Variants in SESTD1 observed in about 807,000 individuals in gnomAD.
SESTD1 encodes the protein SEC14 and spectrin domain containing 1, also known as SEC14 domain and spectrin repeat-containing protein 1.
In SESTD1, 43 loss-of-function variants were observed where a neutral mutation model predicts 101.7. The observed-to-expected ratio is 0.42, with a 90% CI of 0.33 to 0.55. The LOEUF (loss-of-function observed/expected upper bound fraction) is 0.55. SESTD1 is among the 20% of genes least tolerant of loss of function. SESTD1 has a pLI of 0.07. For missense variants in SESTD1, 647 were observed against 815.1 expected (o/e 0.79, Z 2.51); for synonymous variants, 283 against 286.8 (o/e 0.99, Z 0.13).
intron 1 of SESTD1, among the ~76,000 whole-genome samples, chr2:179,255,165 T>C (rs1223416895): frequency 6.6e-6 from 1 of 152,198 alleles, no homozygotes; most frequent in Non-Finnish European, 1.5e-5. Flanking sequence ...ATACTGAAAT[T>C]AGGCCAATCA....
At chr2:179,147,341 T>G (rs1260532428) in intron 7 of SESTD1, among the ~76,000 whole-genome samples, 2 of 151,556 alleles carry the variant, frequency 1.3e-5, no homozygotes, top group Non-Finnish European at 2.9e-5. Context: ...CCCAAAACAC[T>G]GAACAAGATA....
Position 179,101,938 on chromosome 2 carries a change from C to T in SESTD1, c.*7961G>A, listed in dbSNP as rs1169202330. On this transcript the variant is annotated 3_prime_UTR_variant, in exon 18 of 18. Coordinates refer to ENST00000428443, the MANE Select transcript of SESTD1 (RefSeq NM_178123.5). ...TCATTGGACAAGGTATAAGGCTTGC[C>T]AATTTCCAAAGTCTGGCAGTCCAAA... is the stretch of plus-strand genomic sequence containing the variant. 1.3e-5 allele frequency: 2 copies of T among 152,146 alleles called. No homozygotes were observed. The highest frequency in any genetic ancestry group is 4.8e-5 in the African/African-American group (2 of 41,448). The allele number at this position is 152,146 out of a possible 1,614,324, so 9.4% of individuals were successfully genotyped here. A position where few individuals can be genotyped will look rare whatever the true frequency, so the allele number is the denominator to read the frequency against.
Position 179,209,310 on chromosome 2 carries a change from G to T in SESTD1, c.-25-17444C>A, listed in dbSNP as rs571970481. On this transcript the variant is annotated intron_variant, in intron 1 of 17. Transcript: ENST00000428443. Reference sequence around the variant, plus strand: ...ATACTCTCCTGACAGCACTAGACAGGTCATCAAAATGGAAAGGCAACAAAG... The same window carrying T: ...ATACTCTCCTGACAGCACTAGACAGTTCATCAAAATGGAAAGGCAACAAAG... Among the ~76,000 whole-genome samples the T allele has an allele frequency of 3.4e-4, 46 of 134,258 alleles. 14 individuals carry two copies. The highest frequency in any genetic ancestry group is 1.3e-3 in the African/African-American group (43 of 33,942). The allele number at this position is 134,258 out of a possible 152,430, so 88.1% of individuals were successfully genotyped here.
chr2:179,167,324 A>G (rs1490076639), intron 5 of SESTD1, among the ~76,000 whole-genome samples: 1 of 152,234 alleles, frequency 6.6e-6, no homozygotes, highest in South Asian at 2.1e-4. Flanking sequence ...GAAAATACCT[A>G]AACTGAAACA....
At chr2:179,158,737 T>C (rs1393719739) in intron 5 of SESTD1, among the ~76,000 whole-genome samples, 4 of 152,242 alleles carry the variant, frequency 2.6e-5, no homozygotes, top group African/African-American at 9.6e-5. Flanking sequence ...TAAAACATTT[T>C]ATACAATCCA....
At chr2:179,203,012 G>C (rs1300581496) in intron 1 of SESTD1, among the ~76,000 whole-genome samples, 2 of 135,136 alleles carry the variant, frequency 1.5e-5, no homozygotes, top group East Asian at 4.0e-4. Context: ...ATTTGTCACT[G>C]CTGTTCTGTC....
chr2:179,145,914 A>C (rs1268929733), intron 8 of SESTD1, among the ~76,000 whole-genome samples: 1 of 152,204 alleles, frequency 6.6e-6, no homozygotes. Flanking sequence ...TGAAATAAAA[A>C]TTTTCATCTT....
rs2045880203 is a variant in SESTD1, at chr2:179,168,795, C to G, written c.369+3325G>C. 2.0e-5 allele frequency among the ~76,000 whole-genome samples: 3 copies of G among 151,976 alleles called. No individual in the cohort carries two copies. In the South Asian group the frequency reaches 6.2e-4, roughly 32 times the overall value. On this transcript the variant is annotated intron_variant, in intron 5 of 17. Coordinates refer to ENST00000428443, the MANE Select transcript of SESTD1 (RefSeq NM_178123.5). ...GTAAAAGAAAACAGATTATCTGTAG[C>G]AAAAAAATGCAGCAATGTAGTGTTT...
chr2:179,205,059 T>C lies in SESTD1; in HGVS notation c.-25-13193A>G, dbSNP rs1041229207. On this transcript the variant is annotated intron_variant, in intron 1 of 17. Coordinates refer to ENST00000428443, the MANE Select transcript of SESTD1 (RefSeq NM_178123.5). Reference sequence around the variant, plus strand: ...ATTTCTCCATCCTTCTCATCAATTCTGTAAATTATACAAAATAAATCCCTT... The same window carrying C: ...ATTTCTCCATCCTTCTCATCAATTCCGTAAATTATACAAAATAAATCCCTT... Among the ~76,000 whole-genome samples the C allele has an allele frequency of 5.9e-5, 8 of 135,088 alleles. 2 individuals carry two copies. Among genetic ancestry groups the C allele is most frequent in the Non-Finnish European group, 9.5e-5 (6 of 62,846 alleles). 88.6% of individuals were successfully genotyped at this position (135,088 alleles called of 152,430 possible).
intron 4 of SESTD1, among the ~76,000 whole-genome samples, chr2:179,175,768 T>C (rs2046000469): frequency 6.6e-6 from 1 of 152,174 alleles, no homozygotes; most frequent in African/African-American, 2.4e-5. Context: ...TCAACAAATG[T>C]CTACTGGGTG....
At chr2:179,128,000 CAGTGAAGGATTAGAGTCCT>C (rs2044916352) in intron 10 of SESTD1, among the ~76,000 whole-genome samples, 1 of 152,148 alleles carries the variant, frequency 6.6e-6, no homozygotes. Context: ...CTGAGAAAAG[CAGTGAAGGATTAGAGTCCT>C]AGAATAGCAC....
At chr2:179,163,207 T>C (rs190264367) in intron 5 of SESTD1, among the ~76,000 whole-genome samples, 1 of 152,140 alleles carries the variant, frequency 6.6e-6, no homozygotes, top group African/African-American at 2.4e-5. Flanking sequence ...ACTAGTAACC[T>C]CATTTATCAA....
intron 1 of SESTD1, among the ~76,000 whole-genome samples, chr2:179,230,160 G>T (rs1198990102): frequency 1.1e-5 from 1 of 93,988 alleles, no homozygotes; most frequent in Non-Finnish European, 2.0e-5. Flanking sequence ...TTGAGACAGG[G>T]TCTCACTCTG....
At chr2:179,169,788 A>G (rs555377231) in intron 5 of SESTD1, among the ~76,000 whole-genome samples, 1 of 152,176 alleles carries the variant, frequency 6.6e-6, no homozygotes, top group African/African-American at 2.4e-5. Flanking sequence ...CAGCATGACT[A>G]ACGTAGAGAA....
In SESTD1 at chr2:179,116,671, T is replaced by C. The variant is rs765945486; in HGVS notation, c.1644A>G (p.Ala548=). The part of the protein sequence containing the change: ...LEKHRKFVDV[A]QSTYDYGRQL... The stretch of plus-strand genomic sequence containing the variant: ...AGGAAGATAACCAGTTTTGCACCTG[T>C]GCAACATCAACAAATTTTCTATGCT... Residue 548 remains alanine (A), a synonymous_variant, in exon 15 of 18, where the codon GCA becomes GCG. Coordinates refer to ENST00000428443, the MANE Select transcript of SESTD1 (RefSeq NM_178123.5). The C allele has an allele frequency of 3.7e-6, 6 of 1,614,130 alleles. No homozygotes were observed. The highest frequency in any genetic ancestry group is 3.3e-5 in the South Asian group (3 of 91,072).
At chr2:179,169,446 G>A (rs1025471722) in intron 5 of SESTD1, among the ~76,000 whole-genome samples, 1 of 151,682 alleles carries the variant, frequency 6.6e-6, no homozygotes, top group South Asian at 2.1e-4. Context: ...AACACATGAA[G>A]CAAAAACTGA....
At chr2:179,183,048 T>G in intron 3 of SESTD1, 32 bp downstream of exon 3, 157 of 1,416,498 alleles carry the variant, frequency 1.1e-4, no homozygotes, top group Non-Finnish European at 1.4e-4. Context: ...GAAAACATAC[T>G]GAGATTTAAG....
intron 1 of SESTD1, among the ~76,000 whole-genome samples, chr2:179,236,852 T>C (rs2047076336): frequency 6.6e-6 from 1 of 151,816 alleles, no homozygotes; most frequent in Non-Finnish European, 1.5e-5. Context: ...AAAATAAATG[T>C]ATGTAAATAG....
At chr2:179,224,550 G>A (rs1574048198) in intron 1 of SESTD1, among the ~76,000 whole-genome samples, 1 of 152,284 alleles carries the variant, frequency 6.6e-6, no homozygotes, top group East Asian at 1.9e-4. Context: ...GATTGCTGAA[G>A]GCTCTTTTGA....
Sources: allele counts gnomAD v4.1 joint callset (sites outside exome capture counted in the v4.1 genomes callset), GRCh38; gene constraint gnomAD v4.1.1; transcripts MANE v1.5; gene names NCBI Gene and HGNC (gene_info 2026-07-23, HGNC 2026-07-21).